LFNG: variants seen among roughly 807,000 people sequenced by gnomAD.
LFNG encodes LFNG O-fucosylpeptide 3-beta-N-acetylglucosaminyltransferase.
A neutral mutation model predicts 32.7 loss-of-function variants in LFNG; 15 were observed. The observed-to-expected ratio is 0.46, with a 90% CI of 0.31 to 0.71. The LOEUF (loss-of-function observed/expected upper bound fraction) is 0.71. Ranked by LOEUF, LFNG falls within the 30% of genes least tolerant of loss-of-function variation. The pLI is 0.06. For missense variants in LFNG, 520 were observed against 545.7 expected (o/e 0.95, Z 0.47); for synonymous variants, 274 against 246.8 (o/e 1.11, Z -1.03).
rs1418677088 is a variant in LFNG at position 2,526,963 on chromosome 7, T to C, written c.1073+42T>C. The C allele has an allele frequency of 6.3e-7, 1 of 1,583,520 alleles. No homozygotes were observed. The highest frequency in any genetic ancestry group is 8.7e-7 in the Non-Finnish European group (1 of 1,155,674). On this transcript the variant is annotated intron_variant, in intron 7 of 7. Coordinates refer to ENST00000222725, the MANE Select transcript of LFNG (RefSeq NM_001040167.2). This position sits in a 1 kb window ranked among gnomAD's most constrained non-coding sequence, Gnocchi z 6.9. Reference sequence around the variant, plus strand: ...CCAGATGGGCTTGCGTAGGGTGGCCTAGGGGCGTCAGGGGGCCTCGTGGAG... The same window carrying C: ...CCAGATGGGCTTGCGTAGGGTGGCCCAGGGGCGTCAGGGGGCCTCGTGGAG...
Position 2,520,561 on chromosome 7 carries a change from C to T in LFNG, c.432+268C>T, listed in dbSNP as rs904399653. Among the ~76,000 whole-genome samples the T allele has an allele frequency of 6.6e-6, 1 of 152,240 alleles. No homozygotes were observed. Among genetic ancestry groups the T allele is most frequent in the Non-Finnish European group, 1.5e-5 (1 of 68,044 alleles). On this transcript the variant is annotated intron_variant, in intron 1 of 7. Coordinates refer to ENST00000222725, the MANE Select transcript of LFNG (RefSeq NM_001040167.2). This position sits in a 1 kb window ranked among gnomAD's most constrained non-coding sequence, Gnocchi z 5.0. The stretch of plus-strand genomic sequence containing the variant: ...CAGGACCCTACACCAGTCTCCAGTG[C>T]TTGGGGTTGGTGCCCTGTGATACTT...
chr7:2,513,879 G>A (rs1039817048), upstream of LFNG, among the ~76,000 whole-genome samples: 7 of 152,236 alleles, frequency 4.6e-5, no homozygotes, highest in East Asian at 7.7e-4. Flanking sequence ...AGACAGAAGC[G>A]CCAGAAAGAG....
chr7:2,523,538 C>T (rs1259033113), intron 1 of LFNG: 2 of 152,280 alleles, frequency 1.3e-5, no homozygotes, highest in Non-Finnish European at 2.9e-5. Context: ...TGCACTCAGC[C>T]ATGCCAGGGT....
Position 2,527,335 on chromosome 7 carries a change from T to C in LFNG, c.*123T>C. 6.5e-7 allele frequency: 1 copy of C among 1,527,798 alleles called. No individual in the cohort carries two copies. The highest frequency in any genetic ancestry group is 1.4e-5 in the African/African-American group (1 of 71,566). The allele number at this position is 1,527,798 out of a possible 1,614,324, so 94.6% of individuals were successfully genotyped here. ...AGGGCCGTGCCTGTGCGTGTGCGTG[T>C]GCGTGTGTGTGTGTGTGTACTGCAT... On this transcript the variant is annotated 3_prime_UTR_variant, in exon 8 of 8. Coordinates refer to ENST00000222725, the MANE Select transcript of LFNG (RefSeq NM_001040167.2). The surrounding 1 kb of genome is among the most constrained non-coding windows in gnomAD (Gnocchi z 4.4).
Position 2,527,892 on chromosome 7 carries a change from C to A in LFNG, c.*680C>A, listed in dbSNP as rs1034327450. On this transcript the variant is annotated 3_prime_UTR_variant, in exon 8 of 8. Transcript: ENST00000222725. This position sits in a 1 kb window ranked among gnomAD's most constrained non-coding sequence, Gnocchi z 4.4. ...TCTTCCAGGCCTCCTCAGAGGTCTT[C>A]CCTTTGCCTCCCCAGGACAGGGTGA... is the stretch of plus-strand genomic sequence containing the variant. The A allele has an allele frequency of 5.1e-6, 5 of 989,766 alleles. No individual in the cohort carries two copies. The African/African-American group carries it at 8.7e-5, about 17-fold the overall frequency. The allele number at this position is 989,766 out of a possible 1,614,324, so 61.3% of individuals were successfully genotyped here. A position where few individuals can be genotyped will look rare whatever the true frequency, so the allele number is the denominator to read the frequency against.
At position 2,527,206 on chromosome 7, in the gene LFNG, C is replaced by CT; in HGVS notation, c.1136dup (p.Ter380LeufsTer103). ...CACCCTGGTGTCCCCGCACTGCCAT[C>CT]TTCTAGTGGCCATGGCTGAGACCCA... On this transcript the variant is annotated frameshift_variant, in exon 8 of 8. Coordinates refer to ENST00000222725, the MANE Select transcript of LFNG (RefSeq NM_001040167.2). LOFTEE classifies it high-confidence loss of function. The surrounding 1 kb of genome is among the most constrained non-coding windows in gnomAD (Gnocchi z 4.4). The CT allele has an allele frequency of 6.2e-7, 1 of 1,612,808 alleles. No individual in the cohort carries two copies.
rs1304858921 is a variant in LFNG at position 2,520,726 on chromosome 7, G to C, written c.432+433G>C. Among the ~76,000 whole-genome samples the C allele has an allele frequency of 6.6e-6, 1 of 152,238 alleles. No individual in the cohort carries two copies. The highest frequency in any genetic ancestry group is 2.4e-5 in the African/African-American group (1 of 41,448). On this transcript the variant is annotated intron_variant, in intron 1 of 7. Transcript: ENST00000222725. This position sits in a 1 kb window ranked among gnomAD's most constrained non-coding sequence, Gnocchi z 5.0. ...TTCCTTTAGAGAAGTGAGGGGTTCT[G>C]ACCTCTGGGCCCTTTCCTCATCACA...
chr7:2,525,067 GC>G, intron 2 of LFNG, 151 bp from the exon 3 acceptor site: 1 of 735,748 alleles, frequency 1.4e-6, no homozygotes, highest in South Asian at 1.6e-5. Context: ...ACAGGCCCAA[GC>G]CCCGAGCTAG....
chr7:2,518,181 C>T (rs1463409757), upstream of LFNG, among the ~76,000 whole-genome samples: 1 of 152,178 alleles, frequency 6.6e-6, no homozygotes, highest in East Asian at 1.9e-4. Context: ...CCTTTTCTCC[C>T]CGGCTCACCC....
chr7:2,513,954 G>T (rs1024171411), upstream of LFNG, among the ~76,000 whole-genome samples: 1 of 152,238 alleles, frequency 6.6e-6, no homozygotes, highest in Non-Finnish European at 1.5e-5. Context: ...CCAGGCTGAG[G>T]CCCCTTGCTG....
Position 2,525,759 on chromosome 7 carries a change from C to G in LFNG, c.810C>G (p.Ser270Arg), listed in dbSNP as rs764879786. Residue 270 changes from serine (S) to arginine (R), a missense_variant, in exon 5 of 8, where the codon AGC (serine) becomes AGG (arginine). Transcript: ENST00000222725. ...CISRGLALKM[S>R]PWASGGHFMN... ...GCCGTGGGCTGGCTCTGAAGATGAG[C>G]CCGTGGGCCAGGTGAGTGCCCTGCA... The G allele has an allele frequency of 2.5e-6, 4 of 1,611,868 alleles. No homozygotes were observed. The highest frequency in any genetic ancestry group is 3.4e-6 in the Non-Finnish European group (4 of 1,179,902).
intron 1 of LFNG, among the ~76,000 whole-genome samples, chr7:2,521,347 G>T (rs1467668699): frequency 6.6e-6 from 1 of 151,898 alleles, no homozygotes; most frequent in Non-Finnish European, 1.5e-5. Flanking sequence ...GGGGGCGGCG[G>T]GGGCCGTGGG....
Position 2,525,313 on chromosome 7 carries a change from C to T in LFNG, c.576C>T (p.Gly192=). The change falls in exon 3 of 8, where the codon GGC becomes GGT. Residue 192 remains glycine, a synonymous_variant. Transcript: ENST00000222725. ...AVEYDRFIES[G]RKWFCHVDDD... is the part of the protein sequence containing the mutation. The stretch of plus-strand genomic sequence containing the variant: ...AGTATGACCGCTTCATCGAGTCCGG[C>T]AGGAAGTGAGTGTGGCCCCGGGGGA... 6.2e-7 allele frequency: 1 copy of T among 1,612,964 alleles called. No individual in the cohort carries two copies. The highest frequency in any genetic ancestry group is 1.1e-5 in the South Asian group (1 of 91,086).
upstream of LFNG, among the ~76,000 whole-genome samples, chr7:2,514,799 C>T (rs926771902): frequency 1.4e-5 from 2 of 147,358 alleles, no homozygotes; most frequent in Non-Finnish European, 3.0e-5. Flanking sequence ...TCCATCCATT[C>T]ATCTGTCGGT....
chr7:2,527,082 T>C lies in LFNG; in HGVS notation c.1074-64T>C, dbSNP rs1001773482. The C allele has an allele frequency of 6.5e-7, 1 of 1,540,478 alleles. No homozygotes were observed. The highest frequency in any genetic ancestry group is 9.0e-7 in the Non-Finnish European group (1 of 1,117,226). On this transcript the variant is annotated intron_variant, in intron 7 of 7. Transcript: ENST00000222725. The surrounding 1 kb of genome is among the most constrained non-coding windows in gnomAD (Gnocchi z 4.4). ...GGTGGGGCCGCCAGTGTTGTGGGAC[T>C]GCAAATGGGAGCTCAGCACCTGCCT...
At position 2,527,131 on chromosome 7, in the gene LFNG, GCT is replaced by G; in HGVS notation, c.1074-12_1074-11del. 6.2e-7 allele frequency: 1 copy of G among 1,611,568 alleles called. No individual in the cohort carries two copies. Among genetic ancestry groups the G allele is most frequent in the Non-Finnish European group, 8.5e-7 (1 of 1,179,248 alleles). ...CTGCCACCCACGCAGACCAGCCCCT[GCT>G]CTGTTCCCACAGGTTCCGCTCCATC... On this transcript the variant is annotated splice_polypyrimidine_tract_variant and intron_variant, in intron 7 of 7. Coordinates refer to ENST00000222725, the MANE Select transcript of LFNG (RefSeq NM_001040167.2). The surrounding 1 kb of genome is among the most constrained non-coding windows in gnomAD (Gnocchi z 4.4).
chr7:2,515,003 T>C (rs908795222), upstream of LFNG, among the ~76,000 whole-genome samples: 8 of 144,332 alleles, frequency 5.5e-5, no homozygotes, highest in South Asian at 1.6e-3. Flanking sequence ...TCCATCCATC[T>C]GTCCATTCAT....
chr7:2,526,352 C>G lies in LFNG; in HGVS notation c.930C>G (p.Leu310=). Residue 310 remains leucine (L), a synonymous_variant, in exon 6 of 8, where the codon CTC becomes CTG. Transcript: ENST00000222725. The surrounding 1 kb of genome is among the most constrained non-coding windows in gnomAD (Gnocchi z 6.9). ...GTGTGCCCCTCATCCGCAGCGGCCTCTTCCACTCCCACCTGGAGAACCTGC... is the reference window on the plus strand; with the variant it reads ...GTGTGCCCCTCATCCGCAGCGGCCTGTTCCACTCCCACCTGGAGAACCTGC... The part of the protein sequence containing the change: ...LLGVPLIRSG[L]FHSHLENLQQ... 7 of 1,612,224 alleles carry G rather than the reference C, an allele frequency of 4.3e-6. No individual in the cohort carries two copies. Among genetic ancestry groups the G allele is most frequent in the Non-Finnish European group, 5.9e-6 (7 of 1,179,968 alleles).
At chr7:2,513,092 G>A, upstream of LFNG, 1 of 1,535,536 alleles carries the variant, frequency 6.5e-7, no homozygotes, top group Non-Finnish European at 9.0e-7. Flanking sequence ...CTGGGCCCTG[G>A]GCACCTTTGG....
Sources: gnomAD v4.1 joint callset for allele counts (sites outside exome capture counted in the v4.1 genomes callset) on GRCh38, gnomAD v4.1.1 for gene constraint, Gnocchi (gnomAD v3.1) non-coding constraint, MANE v1.5 for transcripts, NCBI Gene and HGNC (gene_info 2026-07-23, HGNC 2026-07-21) for gene names.